BPTF: variants seen among roughly 807,000 people sequenced by gnomAD.
BPTF encodes the protein bromodomain PHD finger transcription factor.
Under a neutral mutation model 292.5 loss-of-function variants are expected in BPTF, and 18 were observed. The observed-to-expected ratio is 0.06, with a 90% confidence interval of 0.04 to 0.09. The LOEUF is 0.09. Ranked by LOEUF, BPTF falls within the 10% of genes least tolerant of loss-of-function variation. The pLI, the probability that BPTF is intolerant of heterozygous loss-of-function variation, is 1.00. For synonymous variants in BPTF, 1,225 were observed against 1,251.9 expected, an observed-to-expected ratio of 0.98 and a Z score of 0.45; for missense variants, 2,726 against 3,498.7, an observed-to-expected ratio of 0.78 and a Z score of 5.57.
At chr17:67,971,708 T>A (rs950154815) in intron 26 of BPTF, among the ~76,000 whole-genome samples, 1 of 150,646 alleles carries the variant, frequency 6.6e-6, no homozygotes, top group Admixed American at 6.6e-5. Flanking sequence ...GGAAGCTGAG[T>A]CAGGAGAATT....
In BPTF at chr17:67,917,131, C is replaced by CCTTTT. The variant is rs2063065953; in HGVS notation, c.5304-1583_5304-1582insCTTTT. Reference sequence around the variant, plus strand: ...GATAAGTAACTAATATGGTATTGTCCTTTTTTTTTTTTTTTTTTTGAGATA... The same window carrying CCTTTT: ...GATAAGTAACTAATATGGTATTGTCCCTTTTTTTTTTTTTTTTTTTTTTTGAGATA... On this transcript the variant is annotated intron_variant, in intron 11 of 27. Coordinates refer to ENST00000306378, the MANE Select transcript of BPTF (RefSeq NM_182641.4). Among the ~76,000 whole-genome samples the CCTTTT allele has an allele frequency of 1.5e-3, 158 of 105,784 alleles. 5 individuals are homozygous for CCTTTT. Among genetic ancestry groups the CCTTTT allele is most frequent in the African/African-American group, 5.3e-3 (146 of 27,632 alleles). The allele number at this position is 105,784 out of a possible 152,430, so 69.4% of individuals were successfully genotyped here. A position where few individuals can be genotyped will look rare whatever the true frequency, so the allele number is the denominator to read the frequency against.
At chr17:67,830,208 T>A (rs1468856990) in intron 1 of BPTF, among the ~76,000 whole-genome samples, 1 of 152,250 alleles carries the variant, frequency 6.6e-6, no homozygotes, top group Non-Finnish European at 1.5e-5. Flanking sequence ...AGAAATTATA[T>A]TTAAAACAGA....
intron 2 of BPTF, among the ~76,000 whole-genome samples, chr17:67,862,888 A>G (rs921105018): frequency 8.6e-5 from 13 of 150,452 alleles, no homozygotes; most frequent in Middle Eastern, 3.2e-3. Flanking sequence ...CATAATTCCA[A>G]TCTCCCTGTC....
chr17:67,976,685 CAAAAAAAAAAAA>C (rs1156404121), intron 27 of BPTF, among the ~76,000 whole-genome samples: 15 of 24,844 alleles, frequency 6.0e-4, no homozygotes, highest in African/African-American at 1.5e-3. Context: ...GACCCTGTCT[CAAAAAAAAAAAA>C]AAAAAAAAAA....
intron 26 of BPTF, chr17:67,975,086 C>G (rs1267763987): frequency 6.6e-6 from 1 of 152,172 alleles, no homozygotes; most frequent in African/African-American, 2.4e-5. Context: ...TCCGGAGATT[C>G]CAACCGTGTT....
chr17:67,843,509 T>C (rs2057743963), intron 1 of BPTF, among the ~76,000 whole-genome samples: 1 of 149,298 alleles, frequency 6.7e-6, no homozygotes, highest in Non-Finnish European at 1.5e-5. Flanking sequence ...CATGAGACTT[T>C]GAATGTATGT....
At chr17:67,850,772 T>C (rs1455736863) in intron 1 of BPTF, among the ~76,000 whole-genome samples, 1 of 152,216 alleles carries the variant, frequency 6.6e-6, no homozygotes, top group Non-Finnish European at 1.5e-5. Context: ...AATTTGACTG[T>C]TTTCCTGTTG....
intron 23 of BPTF, among the ~76,000 whole-genome samples, chr17:67,949,635 A>G (rs1425810479): frequency 9.2e-6 from 1 of 108,124 alleles, no homozygotes; most frequent in Non-Finnish European, 1.9e-5. Flanking sequence ...ATATACACAT[A>G]CGTACATATA....
At chr17:67,875,764 A>G in intron 4 of BPTF, 1 of 1,521,178 alleles carries the variant, frequency 6.6e-7, no homozygotes, top group Non-Finnish European at 8.8e-7. Flanking sequence ...GCAGCGTATC[A>G]ATGCCTCTGT....
At chr17:67,878,439 A>T (rs538882578) in intron 4 of BPTF, among the ~76,000 whole-genome samples, 6 of 152,286 alleles carry the variant, frequency 3.9e-5, no homozygotes, top group African/African-American at 1.4e-4. Flanking sequence ...GAGCTGGTTT[A>T]TGCTCATCTT....
At chr17:67,844,371 C>T (rs930454142) in intron 1 of BPTF, among the ~76,000 whole-genome samples, 2 of 151,594 alleles carry the variant, frequency 1.3e-5, no homozygotes, top group African/African-American at 4.8e-5. Context: ...CCTCAGCCTC[C>T]CGAGTAGCTG....
chr17:67,849,336 C>T (rs180701731), intron 1 of BPTF, among the ~76,000 whole-genome samples: 4 of 152,318 alleles, frequency 2.6e-5, no homozygotes, highest in Admixed American at 6.5e-5. Context: ...ACCTGAAGAT[C>T]GTGAGAAACT....
At chr17:67,958,600 G>A (rs1227205560) in intron 23 of BPTF, among the ~76,000 whole-genome samples, 1 of 151,902 alleles carries the variant, frequency 6.6e-6, no homozygotes, top group Non-Finnish European at 1.5e-5. Context: ...ATGGTGGTGG[G>A]TGCCTGTAAT....
At chr17:67,932,971 G>A (rs1315879770) in intron 18 of BPTF, among the ~76,000 whole-genome samples, 1 of 152,094 alleles carries the variant, frequency 6.6e-6, no homozygotes, top group Non-Finnish European at 1.5e-5. Flanking sequence ...AAAAAGATCA[G>A]CCAGGCGCAG....
In BPTF at chr17:67,909,774, A is replaced by C. The variant is rs1568037507; in HGVS notation, c.2992+13A>C. On this transcript the variant is annotated intron_variant, in intron 10 of 27. Coordinates refer to ENST00000306378, the MANE Select transcript of BPTF (RefSeq NM_182641.4). Reference sequence around the variant, plus strand: ...AAGAAGGACCAAGGTAAGGAGAGTCAGCTGTGGAGGGCAGCCTGGGGGTGA... The same window carrying C: ...AAGAAGGACCAAGGTAAGGAGAGTCCGCTGTGGAGGGCAGCCTGGGGGTGA... 2 of 1,529,590 alleles carry C rather than the reference A, an allele frequency of 1.3e-6. No homozygotes were observed. Among genetic ancestry groups the C allele is most frequent in the Non-Finnish European group, 1.8e-6 (2 of 1,141,274 alleles). The allele number at this position is 1,529,590 out of a possible 1,614,324, so 94.8% of individuals were successfully genotyped here. A position where few individuals can be genotyped will look rare whatever the true frequency, so the allele number is the denominator to read the frequency against.
intron 1 of BPTF, among the ~76,000 whole-genome samples, chr17:67,829,605 C>G (rs2056472947): frequency 2.0e-5 from 3 of 152,028 alleles, no homozygotes; most frequent in South Asian, 2.1e-4. Flanking sequence ...TCTGTACTTC[C>G]TGGAGGAAGG....
Position 67,944,184 on chromosome 17 carries a change from G to C in BPTF, c.6512G>C (p.Gly2171Ala), listed in dbSNP as rs1555673250. 1 of 1,614,162 alleles carries C rather than the reference G, an allele frequency of 6.2e-7. No individual in the cohort carries two copies. Among genetic ancestry groups the C allele is most frequent in the Non-Finnish European group, 8.5e-7 (1 of 1,180,030 alleles). ...CAAGGTTTGACAGTAGTAATTCAAG[G>C]ACAAGGTCAAACTACTGGACAGTTG... ...GNQGLTVVIQ[G>A]QGQTTGQLQL... Residue 2171 changes from glycine to alanine, a missense_variant, in exon 20 of 28, where the codon GGA (glycine) becomes GCA (alanine). Physicochemically the swap from Gly to Ala is moderately conservative, Grantham distance 60 (BLOSUM62 0). This residue lies in a region of BPTF where 570 missense variants were observed against 633.5 expected (regional missense o/e 0.90). Coordinates refer to ENST00000306378, the MANE Select transcript of BPTF (RefSeq NM_182641.4).
intron 1 of BPTF, among the ~76,000 whole-genome samples, chr17:67,836,907 G>T (rs1226998235): frequency 6.6e-6 from 1 of 152,158 alleles, no homozygotes; most frequent in Non-Finnish European, 1.5e-5. Flanking sequence ...GAACTTTTGA[G>T]TCTGAATTAT....
Position 67,911,377 on chromosome 17 carries a change from C to G in BPTF, c.3493C>G (p.Arg1165Gly). The G allele has an allele frequency of 6.2e-7, 1 of 1,613,982 alleles. No individual in the cohort carries two copies. Among genetic ancestry groups the G allele is most frequent in the Middle Eastern group, 1.6e-4 (1 of 6,062 alleles). Reference sequence around the variant, plus strand: ...CACAAACAAACTTTATCCAAAAGATCGAGTGTTAGATGATGTCTCCATTCG... The same window carrying G: ...CACAAACAAACTTTATCCAAAAGATGGAGTGTTAGATGATGTCTCCATTCG... ...HTTNKLYPKDRVLDDVSIRSP... is the reference protein window; with the variant it reads ...HTTNKLYPKDGVLDDVSIRSP... The change falls in exon 11 of 28, where the codon CGA becomes GGA. Residue 1165 changes from arginine to glycine, a missense_variant. Arg to Gly is a moderately radical substitution (Grantham distance 125). This residue lies in a region of BPTF where 713 missense variants were observed against 714.9 expected (regional missense o/e 1.00). Transcript: ENST00000306378.
Sources: allele counts gnomAD v4.1 joint callset (sites outside exome capture counted in the v4.1 genomes callset), GRCh38; gene constraint gnomAD v4.1.1; regional missense constraint gnomAD v4.1.1; transcripts MANE v1.5; gene names NCBI Gene and HGNC (gene_info 2026-07-23, HGNC 2026-07-21).